Variants in IL1RAPL2 observed in about 807,000 individuals in gnomAD.
IL1RAPL2 encodes the protein interleukin 1 receptor accessory protein like 2.
Under a neutral mutation model 44.1 loss-of-function variants are expected in IL1RAPL2, and 3 were observed. That is an observed-to-expected ratio of 0.07 (90% CI 0.03 to 0.18). The LOEUF is 0.18. Among genes scored for constraint, IL1RAPL2 ranks in the 10% least tolerant of loss-of-function variants. The pLI, the probability that IL1RAPL2 is intolerant of heterozygous loss-of-function variation, is 1.00. For missense variants in IL1RAPL2, 391 were observed against 496.4 expected, an observed-to-expected ratio of 0.79 and a Z score of 2.02; for synonymous variants, 181 against 178.8, an observed-to-expected ratio of 1.01 and a Z score of -0.10.
At chrX:104,636,744 C>A (rs747123645) in intron 1 of IL1RAPL2, among the ~76,000 whole-genome samples, 11 of 112,227 alleles carry the variant, frequency 9.8e-5, no homozygotes, top group Non-Finnish European at 1.3e-4. Context: ...CGTCTGTCAC[C>A]CCTTTCTTTG....
chrX:104,751,414 T>C (rs1189647643), intron 2 of IL1RAPL2, among the ~76,000 whole-genome samples: 2 of 111,432 alleles, frequency 1.8e-5, no homozygotes, highest in Non-Finnish European at 3.8e-5. Flanking sequence ...AAATGAATAA[T>C]AGTGAACCTG....
chrX:105,391,437 A>G (rs1034695007), intron 5 of IL1RAPL2, among the ~76,000 whole-genome samples: 1 of 103,166 alleles, frequency 9.7e-6, no homozygotes, highest in Non-Finnish European at 2.0e-5. Context: ...AATCAAAACC[A>G]CAATGAGATA....
chrX:104,631,471 C>G (rs1173656592), intron 1 of IL1RAPL2, among the ~76,000 whole-genome samples: 2 of 111,194 alleles, frequency 1.8e-5, no homozygotes, highest in Non-Finnish European at 3.8e-5. Flanking sequence ...TAAAAGTGTT[C>G]CTATTTCTCC....
At chrX:105,532,492 A>ATT (rs59548118) in intron 6 of IL1RAPL2, among the ~76,000 whole-genome samples, 9 of 107,720 alleles carry the variant, frequency 8.4e-5, no homozygotes, top group African/African-American at 3.1e-4. Flanking sequence ...ATTTACTTTG[A>ATT]TTTTTTTTTT....
rs1556299038 is a variant in IL1RAPL2 at position 105,363,293 on chromosome X, T to TATATATATATATA, written c.697+95753_697+95765dup. ...TATATGTGTGTATATATATATAATA[T>TATATATATATATA]ATATATATATATATAATATATATAT... On this transcript the variant is annotated intron_variant, in intron 5 of 10. Transcript: ENST00000372582. 3.3e-3 allele frequency among the ~76,000 whole-genome samples: 254 copies of TATATATATATATA among 77,428 alleles called. 6 individuals carry two copies. Among genetic ancestry groups the TATATATATATATA allele is most frequent in the African/African-American group, 0.024 (251 of 10,670 alleles). 67.2% of individuals were successfully genotyped at this position (77,428 alleles called of 115,157 possible).
In IL1RAPL2 at chrX:105,767,086, A is replaced by G; in HGVS notation, c.1486A>G (p.Met496Val). Residue 496 changes from methionine to valine, a missense_variant, in exon 11 of 11, where the codon ATG (methionine) becomes GTG (valine). Transcript: ENST00000372582. ...CGAACTGGAAAGCAGACTCCATAACATGCTAGTCAGTGGAGAAATCAAAGT... is the reference window on the plus strand; with the variant it reads ...CGAACTGGAAAGCAGACTCCATAACGTGCTAGTCAGTGGAGAAATCAAAGT... Reference protein sequence around the residue: ...IFELESRLHNMLVSGEIKVIL... With the variant: ...IFELESRLHNVLVSGEIKVIL... 2 of 1,208,175 alleles carry G rather than the reference A, an allele frequency of 1.7e-6. No homozygotes were observed. Among genetic ancestry groups the G allele is most frequent in the Non-Finnish European group, 2.2e-6 (2 of 892,171 alleles).
At chrX:105,117,947 G>A (rs2032878928) in intron 2 of IL1RAPL2, among the ~76,000 whole-genome samples, 2 of 111,733 alleles carry the variant, frequency 1.8e-5, no homozygotes, top group African/African-American at 6.5e-5. Flanking sequence ...TATCATTTAG[G>A]TACATGAAGT....
chrX:104,571,484 G>A (rs1928148845), intron 1 of IL1RAPL2, among the ~76,000 whole-genome samples: 1 of 111,266 alleles, frequency 9.0e-6, no homozygotes, highest in African/African-American at 3.3e-5. Flanking sequence ...TGAATCATGG[G>A]GATGGTTTCC....
At chrX:105,422,700 T>C (rs2035781709) in intron 5 of IL1RAPL2, among the ~76,000 whole-genome samples, 1 of 111,741 alleles carries the variant, frequency 8.9e-6, no homozygotes, top group South Asian at 3.7e-4. Context: ...CAGCAACGTT[T>C]TAAGCAAAAA....
chrX:104,902,412 GAC>G (rs1923847593), intron 2 of IL1RAPL2, among the ~76,000 whole-genome samples: 1 of 111,855 alleles, frequency 8.9e-6, no homozygotes, highest in Non-Finnish European at 1.9e-5. Context: ...TTTGAACTCT[GAC>G]ACAGATTGAA....
At chrX:104,848,556 C>G (rs1266765623) in intron 2 of IL1RAPL2, among the ~76,000 whole-genome samples, 1 of 105,409 alleles carries the variant, frequency 9.5e-6, no homozygotes, top group Non-Finnish European at 1.9e-5. Context: ...AAATTACTTT[C>G]TAAATAAATA....
chrX:104,615,636 A>G (rs763416729), intron 1 of IL1RAPL2, among the ~76,000 whole-genome samples: 4 of 111,486 alleles, frequency 3.6e-5, no homozygotes, highest in Non-Finnish European at 7.5e-5. Context: ...ATTGATGTGC[A>G]TTTAGGTTGA....
chrX:105,324,357 G>A (rs1278868312), intron 5 of IL1RAPL2, among the ~76,000 whole-genome samples: 1 of 111,391 alleles, frequency 9.0e-6, no homozygotes, highest in East Asian at 2.8e-4. Flanking sequence ...TGCTTTTTCT[G>A]ATTGGATTCC....
chrX:104,749,276 G>T (rs1204535837), intron 2 of IL1RAPL2, among the ~76,000 whole-genome samples: 2 of 110,997 alleles, frequency 1.8e-5, no homozygotes, highest in Non-Finnish European at 3.8e-5. Flanking sequence ...ATATCTGGCT[G>T]CACCTGGTAG....
At chrX:105,672,834 C>G (rs1185930969) in intron 6 of IL1RAPL2, among the ~76,000 whole-genome samples, 1 of 111,912 alleles carries the variant, frequency 8.9e-6, no homozygotes, top group African/African-American at 3.3e-5. Flanking sequence ...GGCTTTCTAT[C>G]TTTCTAGGCT....
chrX:105,050,403 A>G (rs1390537636), intron 2 of IL1RAPL2, among the ~76,000 whole-genome samples: 9 of 112,057 alleles, frequency 8.0e-5, no homozygotes. Flanking sequence ...CTTTATGTAT[A>G]CTTTAGCAGT....
At chrX:104,632,110 A>G (rs1462353136) in intron 1 of IL1RAPL2, among the ~76,000 whole-genome samples, 4 of 111,624 alleles carry the variant, frequency 3.6e-5, no homozygotes, top group African/African-American at 9.8e-5. Context: ...TTGTTTCCCC[A>G]TTTCTTGTTT....
At chrX:105,315,374 C>T (rs773480489) in intron 5 of IL1RAPL2, among the ~76,000 whole-genome samples, 4 of 105,269 alleles carry the variant, frequency 3.8e-5, no homozygotes, top group Non-Finnish European at 5.9e-5. Flanking sequence ...ATATTTATTA[C>T]CTTTTTTTAA....
In IL1RAPL2 at chrX:105,659,523, G is replaced by T. The variant is rs936527103; in HGVS notation, c.773-57844G>T. Among the ~76,000 whole-genome samples, 3 of 108,713 alleles carry T rather than the reference G, an allele frequency of 2.8e-5. No homozygotes were observed. In the East Asian group the frequency reaches 8.7e-4, roughly 32 times the overall value. The allele number at this position is 108,713 out of a possible 115,157, so 94.4% of individuals were successfully genotyped here. A position where few individuals can be genotyped will look rare whatever the true frequency, so the allele number is the denominator to read the frequency against. On this transcript the variant is annotated intron_variant, in intron 6 of 10. Coordinates refer to ENST00000372582, the MANE Select transcript of IL1RAPL2 (RefSeq NM_017416.2). ...ATACAAAAAATTAGCTGGGCGTGGT[G>T]GCGGGCGCCTGTAGTCCCAGCCACT... is the stretch of plus-strand genomic sequence containing the variant.
Sources: gnomAD v4.1 joint callset for allele counts (sites outside exome capture counted in the v4.1 genomes callset) on GRCh38, gnomAD v4.1.1 for gene constraint, MANE v1.5 for transcripts, NCBI Gene and HGNC (gene_info 2026-07-23, HGNC 2026-07-21) for gene names.